The following PACRGL variants were observed in gnomAD, a reference collection of about 807,000 sequenced individuals.
PACRGL encodes parkin coregulated like.
Under a neutral mutation model 34.5 loss-of-function variants are expected in PACRGL, and 38 were observed. The ratio of observed to expected loss-of-function variants is 1.10; its 90% confidence interval spans 0.85 to 1.44. PACRGL has a LOEUF of 1.44. Ranked by LOEUF, PACRGL falls within the 40% of genes most tolerant of loss-of-function variation. PACRGL has a pLI of 0.00. For missense variants in PACRGL, 305 were observed against 281.4 expected (o/e 1.08, Z -0.60); for synonymous variants, 128 against 100.1 (o/e 1.28, Z -1.66).
intron 8 of PACRGL, among the ~76,000 whole-genome samples, chr4:20,738,360 C>T (rs887169894): frequency 2.0e-5 from 3 of 152,096 alleles, no homozygotes; most frequent in Non-Finnish European, 2.9e-5. Context: ...TATTGGTTCT[C>T]AAAATATAAT....
In PACRGL at chr4:20,729,048, G is replaced by GAATTTTGCTTGCT. The variant is rs35485958; in HGVS notation, c.*1721_*1733dup. 12 of 152,150 alleles carry GAATTTTGCTTGCT rather than the reference G, an allele frequency of 7.9e-5. No individual in the cohort carries two copies. In the East Asian group the frequency reaches 2.3e-3, roughly 29 times the overall value. The allele number at this position is 152,150 out of a possible 1,614,324, so 9.4% of individuals were successfully genotyped here. ...ATGGAACCACTGGTGCTTTCAAAGT[G>GAATTTTGCTTGCT]AATTTTGCTTGCTAATTTTGCTTGC... On this transcript the variant is annotated 3_prime_UTR_variant, in exon 9 of 9. Transcript: ENST00000503585.
chr4:20,725,210 C>T (rs751448901), intron 8 of PACRGL, among the ~76,000 whole-genome samples: 26 of 152,186 alleles, frequency 1.7e-4, no homozygotes, highest in Middle Eastern at 3.4e-3. Context: ...TTTTGACCAT[C>T]GAAAAGTTCA....
In PACRGL at chr4:20,712,463, C is replaced by G. The variant is rs561166672; in HGVS notation, c.367-325C>G. 5.9e-5 allele frequency among the ~76,000 whole-genome samples: 9 copies of G among 151,952 alleles called. No individual in the cohort carries two copies. The South Asian group carries it at 1.9e-3, about 32-fold the overall frequency. ...GATGAAGCATTTCCATTGTAATAGGCATTATAAGTAATCTAGAGATTATTT... is the reference window on the plus strand; with the variant it reads ...GATGAAGCATTTCCATTGTAATAGGGATTATAAGTAATCTAGAGATTATTT... On this transcript the variant is annotated intron_variant, in intron 5 of 8. Transcript: ENST00000503585.
chr4:20,763,438 C>G, the PACRGL span, among the ~76,000 whole-genome samples: 3 of 152,276 alleles, frequency 2.0e-5, no homozygotes, highest in Admixed American at 6.5e-5. Flanking sequence ...GTCTCTGTGA[C>G]TGTGTCATCC....
rs1411569522 is a variant in PACRGL at position 20,732,289 on chromosome 4, G to C, written c.*4948G>C. On this transcript the variant is annotated 3_prime_UTR_variant, in exon 9 of 9. Coordinates refer to ENST00000503585, the MANE Select transcript of PACRGL (RefSeq NM_001258345.3). Reference sequence around the variant, plus strand: ...TTCAATATAATGTGGTGAAGATGTAGAGTCACTCTGTCCTAGGTAAAATCC... The same window carrying C: ...TTCAATATAATGTGGTGAAGATGTACAGTCACTCTGTCCTAGGTAAAATCC... Among the ~76,000 whole-genome samples, 4 of 152,172 alleles carry C rather than the reference G, an allele frequency of 2.6e-5. No individual in the cohort carries two copies.
At chr4:20,752,312 G>A (rs1753804236) in intron 8 of PACRGL, among the ~76,000 whole-genome samples, 1 of 152,080 alleles carries the variant, frequency 6.6e-6, no homozygotes, top group Admixed American at 6.6e-5. Flanking sequence ...GCCTGCCTCA[G>A]CCTCCCAAAG....
At chr4:20,707,917 G>C in intron 4 of PACRGL, 47 bp downstream of exon 4, 1 of 1,330,220 alleles carries the variant, frequency 7.5e-7, no homozygotes, top group Non-Finnish European at 1.1e-6. Context: ...CAAAATCATT[G>C]AGTAAAATGA....
At chr4:20,701,657 C>A in intron 1 of PACRGL, 1 of 318,612 alleles carries the variant, frequency 3.1e-6, no homozygotes, top group South Asian at 2.7e-5. Context: ...TTGTCAGTGG[C>A]ATGCTTCCAG....
At position 20,712,941 on chromosome 4, in the gene PACRGL, T is replaced by C; in HGVS notation, c.501+19T>C. On this transcript the variant is annotated intron_variant, in intron 6 of 8. Transcript: ENST00000503585. Reference sequence around the variant, plus strand: ...AGCTCTGGTATGTCATTTATTTCATTGTACTTTATATTTGAAAACATGATA... The same window carrying C: ...AGCTCTGGTATGTCATTTATTTCATCGTACTTTATATTTGAAAACATGATA... The C allele has an allele frequency of 4.0e-6, 6 of 1,500,748 alleles. No individual in the cohort carries two copies. The highest frequency in any genetic ancestry group is 4.5e-6 in the Non-Finnish European group (5 of 1,118,630). 93.0% of individuals were successfully genotyped at this position (1,500,748 alleles called of 1,614,324 possible).
rs2149217646 is a variant in PACRGL, at chr4:20,727,304, A to G, written c.710A>G (p.Lys237Arg). ...HGGSGSLSII[K>R]SKIPTYCSIC... Reference sequence around the variant, plus strand: ...TGACAGGGGAGCCTTAGCATCATCAAATCTAAAATTCCAACATACTGCTCC... The same window carrying G: ...TGACAGGGGAGCCTTAGCATCATCAGATCTAAAATTCCAACATACTGCTCC... Residue 237 changes from lysine to arginine, a missense_variant, in exon 9 of 9, where the codon AAA (lysine) becomes AGA (arginine). Physicochemically the swap from Lys to Arg is conservative, Grantham distance 26. Transcript: ENST00000503585. The G allele has an allele frequency of 6.2e-7, 1 of 1,613,044 alleles. No individual in the cohort carries two copies. Among genetic ancestry groups the G allele is most frequent in the Non-Finnish European group, 8.5e-7 (1 of 1,179,252 alleles).
Position 20,704,728 on chromosome 4 carries a change from T to C in PACRGL, c.121T>C (p.Ser41Pro), listed in dbSNP as rs1354704530. ...CAGGAATGCAGTTCAGGGAAGCAAA[T>C]CCTCATTGTCAACCAGTTCTCCAGA... ...KHRNAVQGSK[S>P]SLSTSSPESA... The change falls in exon 3 of 9, where the codon TCC (serine) becomes CCC (proline). Residue 41 changes from serine to proline, a missense_variant. Physicochemically the swap from Ser to Pro is moderately conservative, Grantham distance 74. Transcript: ENST00000503585. The C allele has an allele frequency of 6.2e-7, 1 of 1,614,016 alleles. No individual in the cohort carries two copies. The highest frequency in any genetic ancestry group is 8.5e-7 in the Non-Finnish European group (1 of 1,179,920).
intron 7 of PACRGL, among the ~76,000 whole-genome samples, chr4:20,722,376 C>G (rs1578307422): frequency 6.6e-6 from 1 of 152,210 alleles, no homozygotes; most frequent in East Asian, 1.9e-4. Context: ...AACCCGGTAC[C>G]TCAGTTGGAA....
At chr4:20,721,189 G>A (rs7696218) in intron 7 of PACRGL, among the ~76,000 whole-genome samples, 16,829 of 151,994 alleles carry the variant, frequency 0.11, 1,123 homozygotes, top group South Asian at 0.19. Flanking sequence ...GTCATTTAAG[G>A]TCCTCTCTAC....
chr4:20,734,755 C>A, downstream of PACRGL: 5 of 1,379,700 alleles, frequency 3.6e-6, no homozygotes, highest in Admixed American at 4.4e-5. Context: ...AATAAAAATT[C>A]AATTTTATAT....
chr4:20,745,605 T>A (rs951406794), intron 8 of PACRGL, among the ~76,000 whole-genome samples: 1 of 152,130 alleles, frequency 6.6e-6, no homozygotes, highest in Admixed American at 6.6e-5. Flanking sequence ...TTCCCTAAAG[T>A]ACAAAAAATG....
rs967248630 is a variant in PACRGL at position 20,709,684 on chromosome 4, T to C, written c.277T>C (p.Leu93=). The C allele has an allele frequency of 6.4e-7, 1 of 1,571,750 alleles. No individual in the cohort carries two copies. Among genetic ancestry groups the C allele is most frequent in the Admixed American group, 1.9e-5 (1 of 53,644 alleles). ...IYSKGGIPCR[L]VHGSVKHRLQ... is the part of the protein sequence containing the mutation. ...CATTCACTAACTTTTATATTTTAGA[T>C]TGGTACATGGTTCAGTAAAACACAG... Residue 93 remains leucine, a splice_region_variant and synonymous_variant, in exon 5 of 9, where the codon TTG becomes CTG. Coordinates refer to ENST00000503585, the MANE Select transcript of PACRGL (RefSeq NM_001258345.3).
At position 20,716,171 on chromosome 4, in the gene PACRGL, C is replaced by T. The variant is rs749136462; in HGVS notation, c.609+2632C>T. 28 of 1,276,074 alleles carry T rather than the reference C, an allele frequency of 2.2e-5. No homozygotes were observed. In the South Asian group the frequency reaches 3.6e-4, roughly 16 times the overall value. The allele number at this position is 1,276,074 out of a possible 1,614,324, so 79.0% of individuals were successfully genotyped here. A position where few individuals can be genotyped will look rare whatever the true frequency, so the allele number is the denominator to read the frequency against. On this transcript the variant is annotated intron_variant, in intron 7 of 8. Transcript: ENST00000503585. ...GGTTTGATGATTTGCCAGAAGGATCCATGGAACTCAGGAAAGCTGTTACTG... is the reference window on the plus strand; with the variant it reads ...GGTTTGATGATTTGCCAGAAGGATCTATGGAACTCAGGAAAGCTGTTACTG...
chr4:20,763,216 T>C, the PACRGL span, among the ~76,000 whole-genome samples: 1 of 152,216 alleles, frequency 6.6e-6, no homozygotes, highest in Non-Finnish European at 1.5e-5. Context: ...AGCATTTACT[T>C]TGAATGCCAT....
downstream of PACRGL, among the ~76,000 whole-genome samples, chr4:20,733,812 G>C (rs1172551200): frequency 6.6e-6 from 1 of 152,124 alleles, no homozygotes; most frequent in Admixed American, 6.6e-5. Flanking sequence ...TCTGGCCCCA[G>C]GTGTCCTCTG....
Sources: allele counts gnomAD v4.1 joint callset (sites outside exome capture counted in the v4.1 genomes callset), GRCh38; gene constraint gnomAD v4.1.1; transcripts MANE v1.5; gene names NCBI Gene and HGNC (gene_info 2026-07-23, HGNC 2026-07-21).